MYBL2: variants seen among roughly 807,000 people sequenced by gnomAD.
MYBL2 encodes MYB proto-oncogene like 2.
Under a neutral mutation model 79.9 loss-of-function variants are expected in MYBL2, and 28 were observed. That is an observed-to-expected ratio of 0.35 (90% CI 0.26 to 0.48). The LOEUF (loss-of-function observed/expected upper bound fraction) is 0.48. Among genes scored for constraint, MYBL2 ranks in the 20% least tolerant of loss-of-function variants. MYBL2 has a pLI of 0.99. For missense variants in MYBL2, 735 were observed against 893.9 expected (o/e 0.82, Z 2.27); for synonymous variants, 378 against 361.2 (o/e 1.05, Z -0.53).
chr20:43,669,138 G>A (rs572661627), intron 1 of MYBL2, among the ~76,000 whole-genome samples: 67 of 152,284 alleles, frequency 4.4e-4, no homozygotes, highest in African/African-American at 1.5e-3. Flanking sequence ...CGCGTCTGGC[G>A]TGTTTTATTT....
intron 6 of MYBL2, among the ~76,000 whole-genome samples, chr20:43,697,021 G>T (rs116610356): frequency 6.6e-6 from 1 of 152,250 alleles, no homozygotes; most frequent in African/African-American, 2.4e-5. Context: ...CACTGCGCCC[G>T]GCCGGTTGAT....
At chr20:43,672,625 C>T (rs570722971) in intron 1 of MYBL2, among the ~76,000 whole-genome samples, 34 of 152,168 alleles carry the variant, frequency 2.2e-4, no homozygotes, top group African/African-American at 7.9e-4. Context: ...GCAAGTTGTT[C>T]CAGGTACTTG....
intron 8 of MYBL2, among the ~76,000 whole-genome samples, chr20:43,703,721 T>G (rs1987721062): frequency 6.6e-6 from 1 of 152,108 alleles, no homozygotes; most frequent in Non-Finnish European, 1.5e-5. Flanking sequence ...GGTGGCCTGG[T>G]GCAGGAGGCC....
At chr20:43,705,092 G>A (rs1600562226) in intron 8 of MYBL2, 127 bp from the exon 9 acceptor site, 3 of 1,217,550 alleles carry the variant, frequency 2.5e-6, no homozygotes, top group South Asian at 2.9e-5. Flanking sequence ...GGTCAAGAGG[G>A]GACCTCAGTA....
intron 9 of MYBL2, among the ~76,000 whole-genome samples, chr20:43,707,204 A>G (rs1555812458): frequency 2.0e-5 from 3 of 151,422 alleles, no homozygotes; most frequent in South Asian, 2.1e-4. Flanking sequence ...TTAAAAAAAA[A>G]AGAGAAAAAA....
At chr20:43,676,634 A>G (rs1170421873) in intron 2 of MYBL2, among the ~76,000 whole-genome samples, 1 of 152,220 alleles carries the variant, frequency 6.6e-6, no homozygotes, top group Non-Finnish European at 1.5e-5. Context: ...AGATTCTTGC[A>G]TAAGTCTTTT....
chr20:43,668,232 G>A (rs1444551194), intron 1 of MYBL2, among the ~76,000 whole-genome samples: 1 of 125,148 alleles, frequency 8.0e-6, no homozygotes, highest in Non-Finnish European at 1.6e-5. Flanking sequence ...AAGGAGTCTC[G>A]CTCTGATGCC....
chr20:43,668,849 G>A (rs947519503), intron 1 of MYBL2, among the ~76,000 whole-genome samples: 20 of 151,862 alleles, frequency 1.3e-4, no homozygotes, highest in African/African-American at 4.6e-4. Flanking sequence ...TATGGGCACG[G>A]GCCGCCACAA....
At chr20:43,689,793 A>C (rs1411709346) in intron 5 of MYBL2, among the ~76,000 whole-genome samples, 4 of 152,172 alleles carry the variant, frequency 2.6e-5, no homozygotes, top group African/African-American at 9.7e-5. Flanking sequence ...TGCCTACAAT[A>C]ATGCCTGGCA....
intron 1 of MYBL2, among the ~76,000 whole-genome samples, chr20:43,671,300 C>T (rs190432356): frequency 1.5e-3 from 230 of 151,080 alleles, no homozygotes; most frequent in African/African-American, 5.4e-3. Flanking sequence ...GGATTACAGG[C>T]GCATGCCACC....
chr20:43,713,733 C>G (rs1987965195), intron 12 of MYBL2, among the ~76,000 whole-genome samples: 1 of 152,174 alleles, frequency 6.6e-6, no homozygotes, highest in Non-Finnish European at 1.5e-5. Flanking sequence ...CACATTAGTC[C>G]TGGGATGGGT....
chr20:43,687,814 G>C (rs1393284341), intron 5 of MYBL2, among the ~76,000 whole-genome samples: 1 of 151,840 alleles, frequency 6.6e-6, no homozygotes, highest in African/African-American at 2.4e-5. Flanking sequence ...TCAGGAGTTC[G>C]AGACCAGCCT....
chr20:43,682,728 C>G lies in MYBL2; in HGVS notation c.187-66C>G. The G allele has an allele frequency of 2.0e-6, 3 of 1,506,388 alleles. No homozygotes were observed. The South Asian group carries it at 3.4e-5, about 17-fold the overall frequency. 93.3% of individuals were successfully genotyped at this position (1,506,388 alleles called of 1,614,324 possible). ...ATAGGCCCCTGAGCCTAGTACTTAA[C>G]CAGGCCCCCAGCCCGAGGTCCCAGA... On this transcript the variant is annotated intron_variant, in intron 3 of 13. Transcript: ENST00000217026.
chr20:43,704,455 G>A (rs1987736654), intron 8 of MYBL2, among the ~76,000 whole-genome samples: 1 of 152,208 alleles, frequency 6.6e-6, no homozygotes, highest in Non-Finnish European at 1.5e-5. Flanking sequence ...GCTGCTGGCT[G>A]GAGAAGGAAG....
intron 5 of MYBL2, among the ~76,000 whole-genome samples, chr20:43,687,936 C>A (rs1987316674): frequency 1.3e-5 from 2 of 148,636 alleles, no homozygotes; most frequent in Admixed American, 6.8e-5. Flanking sequence ...TGCTTGAACC[C>A]AGGAGGCAGA....
chr20:43,671,345 ACAT>A (rs1986849210), intron 1 of MYBL2, among the ~76,000 whole-genome samples: 2 of 150,764 alleles, frequency 1.3e-5, no homozygotes, highest in South Asian at 2.1e-4. Context: ...TTTAGTAGAG[ACAT>A]CATTTCACCA....
chr20:43,674,343 TCTC>T (rs1250040692), intron 2 of MYBL2, among the ~76,000 whole-genome samples: 1 of 150,122 alleles, frequency 6.7e-6, no homozygotes, highest in African/African-American at 2.5e-5. Context: ...TTCAAGCGAT[TCTC>T]CTGCCTCAGG....
rs754082600 is a variant in MYBL2, at chr20:43,705,325, G to A, written c.1472G>A (p.Arg491Gln). ...GTGGTGGTCACCACACCACTGCACC[G>A]GGACAAGACACCCCTGCACCAGAAA... ...QKVVVTTPLH[R>Q]DKTPLHQKHA... The change falls in exon 9 of 14, where the codon CGG (arginine) becomes CAG (glutamine). Residue 491 changes from arginine to glutamine, a missense_variant. Arg to Gln is a conservative substitution (Grantham distance 43). Coordinates refer to ENST00000217026, the MANE Select transcript of MYBL2 (RefSeq NM_002466.4). The A allele has an allele frequency of 4.3e-6, 7 of 1,613,422 alleles. No individual in the cohort carries two copies. Among genetic ancestry groups the A allele is most frequent in the Non-Finnish European group, 4.2e-6 (5 of 1,179,792 alleles).
chr20:43,710,267 G>A (rs1299573278), intron 10 of MYBL2, among the ~76,000 whole-genome samples: 1 of 152,220 alleles, frequency 6.6e-6, no homozygotes, highest in African/African-American at 2.4e-5. Context: ...ACCTGAGTTT[G>A]CAAGCACGCG....
Sources: gnomAD v4.1 joint callset for allele counts (sites outside exome capture counted in the v4.1 genomes callset) on GRCh38, gnomAD v4.1.1 for gene constraint, MANE v1.5 for transcripts, NCBI Gene and HGNC (gene_info 2026-07-23, HGNC 2026-07-21) for gene names.